Variants in COMMD1 observed in about 807,000 individuals in gnomAD.
The protein encoded by COMMD1 is copper metabolism domain containing 1, also known as COMM domain-containing protein 1.
A neutral mutation model predicts 17.2 loss-of-function variants in COMMD1; 10 were observed. The ratio of observed to expected loss-of-function variants is 0.58; its 90% confidence interval spans 0.36 to 0.99. The LOEUF (loss-of-function observed/expected upper bound fraction) is 0.99, where lower values mean the gene tolerates loss of function less well. Ranked by LOEUF, COMMD1 falls within the 50% of genes least tolerant of loss-of-function variation. The pLI is 0.01. For synonymous variants in COMMD1, 97 were observed against 91.6 expected (o/e 1.06, Z -0.34); for missense variants, 270 against 231.8 (o/e 1.17, Z -1.07).
At chr2:61,962,093 A>G (rs1247276113) in intron 1 of COMMD1, among the ~76,000 whole-genome samples, 1 of 152,220 alleles carries the variant, frequency 6.6e-6, no homozygotes, top group Non-Finnish European at 1.5e-5. Flanking sequence ...GAGGTTGATT[A>G]GAGGCCTTGT....
intron 2 of COMMD1, among the ~76,000 whole-genome samples, chr2:62,065,002 A>G (rs557081172): frequency 1.3e-5 from 2 of 152,136 alleles, no homozygotes; most frequent in South Asian, 2.1e-4. Context: ...CCCCATCTCT[A>G]CTAAAAAATA....
Position 62,065,338 on chromosome 2 carries a change from CTTTT to C in COMMD1, c.462+64379_462+64382del, listed in dbSNP as rs57243558. Among the ~76,000 whole-genome samples, 48 of 44,416 alleles carry C rather than the reference CTTTT, an allele frequency of 1.1e-3. 1 individual carries two copies. The highest frequency in any genetic ancestry group is 8.2e-3 in the East Asian group (10 of 1,218). The allele number at this position is 44,416 out of a possible 152,430, so 29.1% of individuals were successfully genotyped here. On this transcript the variant is annotated intron_variant, in intron 2 of 2. Transcript: ENST00000311832. ...AATAGTGACATTTTATATGTACTTA[CTTTT>C]TTTTTTTTTTTTTTTTTTTTTTAGA...
chr2:61,996,496 A>T (rs1157219251), intron 1 of COMMD1, among the ~76,000 whole-genome samples: 1 of 152,164 alleles, frequency 6.6e-6, no homozygotes, highest in Non-Finnish European at 1.5e-5. Context: ...TCTCCCTTTC[A>T]TGAAAGATTT....
intron 2 of COMMD1, among the ~76,000 whole-genome samples, chr2:62,057,747 T>C (rs905093998): frequency 1.1e-4 from 16 of 151,846 alleles, no homozygotes; most frequent in African/African-American, 3.9e-4. Flanking sequence ...TTTTTTTTTT[T>C]TCTCTGTAGA....
At chr2:62,080,289 CAAAAATA>C (rs949276680) in intron 2 of COMMD1, among the ~76,000 whole-genome samples, 124 of 152,102 alleles carry the variant, frequency 8.2e-4, no homozygotes, top group African/African-American at 2.8e-3. Context: ...CCTGTCTCTA[CAAAAATA>C]AAAAATAAAA....
At chr2:61,983,610 A>G (rs767058221) in intron 1 of COMMD1, among the ~76,000 whole-genome samples, 1 of 152,158 alleles carries the variant, frequency 6.6e-6, no homozygotes, top group Admixed American at 6.5e-5. Context: ...CATTTCTTCT[A>G]GATTGTCCAG....
chr2:62,004,563 A>G (rs1264484399), intron 2 of COMMD1, among the ~76,000 whole-genome samples: 2 of 152,132 alleles, frequency 1.3e-5, no homozygotes, highest in African/African-American at 4.8e-5. Flanking sequence ...CGGCCTCCCA[A>G]AGTGCTGGGA....
At chr2:61,914,336 G>A (rs1006508626) in intron 1 of COMMD1, among the ~76,000 whole-genome samples, 2 of 152,056 alleles carry the variant, frequency 1.3e-5, no homozygotes, top group African/African-American at 2.4e-5. Context: ...AATTAAAAAT[G>A]ACCTCTAGCC....
At chr2:61,912,518 C>T (rs922969562) in intron 1 of COMMD1, among the ~76,000 whole-genome samples, 14 of 151,874 alleles carry the variant, frequency 9.2e-5, no homozygotes, top group South Asian at 2.1e-4. Context: ...GGGCAGATCA[C>T]GAGATCAAGA....
chr2:61,993,160 T>C (rs1668637898), intron 1 of COMMD1, among the ~76,000 whole-genome samples: 1 of 152,216 alleles, frequency 6.6e-6, no homozygotes, highest in African/African-American at 2.4e-5. Context: ...ATATTATAGA[T>C]AGATCACTTT....
intron 2 of COMMD1, among the ~76,000 whole-genome samples, chr2:62,119,726 C>T (rs1184080711): frequency 6.6e-6 from 1 of 152,142 alleles, no homozygotes; most frequent in African/African-American, 2.4e-5. Context: ...TTGGTGATCC[C>T]TTTTGTTGGA....
intron 1 of COMMD1, among the ~76,000 whole-genome samples, chr2:61,998,664 G>A (rs1668838103): frequency 6.6e-6 from 1 of 152,206 alleles, no homozygotes; most frequent in African/African-American, 2.4e-5. Context: ...TCTGGCACAG[G>A]AGGCCTAGCT....
chr2:62,100,013 T>A (rs1331301972), intron 2 of COMMD1, among the ~76,000 whole-genome samples: 1 of 152,030 alleles, frequency 6.6e-6, no homozygotes, highest in African/African-American at 2.4e-5. Context: ...CAATTGAGAT[T>A]AATTTTGAGA....
intron 2 of COMMD1, among the ~76,000 whole-genome samples, chr2:62,110,688 A>G (rs930123041): frequency 6.6e-6 from 1 of 152,144 alleles, no homozygotes; most frequent in Non-Finnish European, 1.5e-5. Flanking sequence ...TTATCTTTGT[A>G]TACCTTTCTC....
At chr2:61,916,707 A>G (rs770641043) in intron 1 of COMMD1, among the ~76,000 whole-genome samples, 1 of 152,160 alleles carries the variant, frequency 6.6e-6, no homozygotes, top group Non-Finnish European at 1.5e-5. Context: ...GATTACAGGC[A>G]TAAGCCACCA....
intron 2 of COMMD1, among the ~76,000 whole-genome samples, chr2:62,046,135 G>A (rs1573112135): frequency 6.6e-6 from 1 of 152,176 alleles, no homozygotes; most frequent in Non-Finnish European, 1.5e-5. Flanking sequence ...AGTCAACTCT[G>A]TCAGATTTCC....
At chr2:62,004,157 G>A (rs1669043919) in intron 2 of COMMD1, among the ~76,000 whole-genome samples, 1 of 152,042 alleles carries the variant, frequency 6.6e-6, no homozygotes, top group African/African-American at 2.4e-5. Flanking sequence ...AAGAAAAAAA[G>A]TGTGACAATG....
chr2:61,905,761 C>T lies in COMMD1; in HGVS notation c.83C>T (p.Pro28Leu), dbSNP rs759796404. ...ALAQDTFHGYPGITEELLRSQ... is the reference protein window; with the variant it reads ...ALAQDTFHGYLGITEELLRSQ... ...GCCCAGGACACTTTCCACGGGTACC[C>T]CGGCATCACAGAGGAGCTGCTACGG... Residue 28 changes from proline to leucine, a missense_variant, in exon 1 of 3, where the codon CCC becomes CTC. Coordinates refer to ENST00000311832, the MANE Select transcript of COMMD1 (RefSeq NM_152516.4). The T allele has an allele frequency of 6.2e-6, 10 of 1,614,094 alleles. No homozygotes were observed. The highest frequency in any genetic ancestry group is 2.2e-5 in the East Asian group (1 of 44,880).
chr2:61,956,280 G>A (rs1671196140), intron 1 of COMMD1, among the ~76,000 whole-genome samples: 1 of 152,122 alleles, frequency 6.6e-6, no homozygotes, highest in South Asian at 2.1e-4. Context: ...TCAGTTGGTT[G>A]TTTATTTCTG....
Sources: gnomAD v4.1 joint callset for allele counts (sites outside exome capture counted in the v4.1 genomes callset) on GRCh38, gnomAD v4.1.1 for gene constraint, MANE v1.5 for transcripts, NCBI Gene and HGNC (gene_info 2026-07-23, HGNC 2026-07-21) for gene names.